FRAS1: variants seen among roughly 807,000 people sequenced by gnomAD.
The protein encoded by FRAS1 is Fraser extracellular matrix complex subunit 1.
In FRAS1, 290 loss-of-function variants were observed where a neutral mutation model predicts 435.2. The ratio of observed to expected loss-of-function variants is 0.67; its 90% confidence interval spans 0.61 to 0.73. FRAS1 has a LOEUF of 0.73. Among genes scored for constraint, FRAS1 ranks in the 30% least tolerant of loss-of-function variants. FRAS1 has a pLI of 0.00. For synonymous variants in FRAS1, 1,800 were observed against 1,851.0 expected (o/e 0.97, Z 0.71); for missense variants, 4,860 against 5,001.5 (o/e 0.97, Z 0.85).
Position 78,438,671 on chromosome 4 carries a change from A to C in FRAS1, c.5319A>C (p.Ser1773=). ...CAGGATCTGAGGTGGAAGAGCTCTC[A>C]GAAGTTTCCAATTTCACAATGGAAG... ...RISGSEVEEL[S]EVSNFTMEDI... The change falls in exon 39 of 74, where the codon TCA becomes TCC. Residue 1773 remains serine, a synonymous_variant. Coordinates refer to ENST00000512123, the MANE Select transcript of FRAS1 (RefSeq NM_025074.7). 1 of 1,612,226 alleles carries C rather than the reference A, an allele frequency of 6.2e-7. No homozygotes were observed.
intron 2 of FRAS1, among the ~76,000 whole-genome samples, chr4:78,161,742 C>CAAAAAAAAAAAAAAAA (rs71214399): frequency 9.2e-4 from 23 of 24,892 alleles, no homozygotes; most frequent in African/African-American, 2.0e-3. Context: ...AACTCTGTCT[C>CAAAAAAAAAAAAAAAA]AAAAAAAAAA....
chr4:78,231,099 C>T (rs1473142420), intron 2 of FRAS1, among the ~76,000 whole-genome samples: 10 of 151,950 alleles, frequency 6.6e-5, no homozygotes, highest in African/African-American at 1.2e-4. Context: ...GGATTACAGG[C>T]GCCTGCCACC....
At chr4:78,234,423 C>T (rs1326162257) in intron 2 of FRAS1, among the ~76,000 whole-genome samples, 5 of 152,072 alleles carry the variant, frequency 3.3e-5, no homozygotes, top group African/African-American at 1.2e-4. Context: ...GACGGGGTTT[C>T]GCTGTGTTAG....
At chr4:78,214,173 G>A (rs1017322263) in intron 2 of FRAS1, among the ~76,000 whole-genome samples, 4 of 152,148 alleles carry the variant, frequency 2.6e-5, no homozygotes, top group Non-Finnish European at 4.4e-5. Flanking sequence ...CTTAAATCTT[G>A]CTCCATCTCC....
intron 2 of FRAS1, among the ~76,000 whole-genome samples, chr4:78,216,336 G>A (rs1723768055): frequency 6.6e-6 from 1 of 152,074 alleles, no homozygotes; most frequent in African/African-American, 2.4e-5. Flanking sequence ...TTGTATTTTT[G>A]GTCAAGATGC....
intron 2 of FRAS1, among the ~76,000 whole-genome samples, chr4:78,122,254 G>A (rs1424170170): frequency 1.3e-5 from 2 of 152,012 alleles, no homozygotes; most frequent in Non-Finnish European, 2.9e-5. Context: ...GTAATAGTTT[G>A]CTAAGAATGA....
intron 2 of FRAS1, among the ~76,000 whole-genome samples, chr4:78,172,617 A>G (rs1721604636): frequency 6.6e-6 from 1 of 152,144 alleles, no homozygotes; most frequent in South Asian, 2.1e-4. Flanking sequence ...GGATTGTCAT[A>G]TTTCACTCTG....
chr4:78,365,445 G>A (rs1731224405), intron 22 of FRAS1, among the ~76,000 whole-genome samples: 1 of 152,090 alleles, frequency 6.6e-6, no homozygotes, highest in Non-Finnish European at 1.5e-5. Flanking sequence ...AGATTTATTA[G>A]GCTCTTCACA....
chr4:78,445,067 C>A (rs1163693494), intron 41 of FRAS1, among the ~76,000 whole-genome samples: 1 of 152,166 alleles, frequency 6.6e-6, no homozygotes, highest in Non-Finnish European at 1.5e-5. Context: ...AAAAGATATG[C>A]ATTTAACATT....
chr4:78,228,028 G>A (rs13115668), intron 2 of FRAS1, among the ~76,000 whole-genome samples: 87,172 of 151,908 alleles, frequency 0.57, 25,915 homozygotes, highest in Non-Finnish European at 0.65. Flanking sequence ...CCTACTCTTG[G>A]GAAGGGAGAG....
intron 66 of FRAS1, among the ~76,000 whole-genome samples, chr4:78,516,859 G>A (rs1485806480): frequency 6.6e-6 from 1 of 152,190 alleles, no homozygotes; most frequent in Non-Finnish European, 1.5e-5. Context: ...TTGACATGTA[G>A]GGATTATGGG....
chr4:78,316,957 G>A (rs142949228), intron 16 of FRAS1, among the ~76,000 whole-genome samples: 8 of 152,054 alleles, frequency 5.3e-5, no homozygotes, highest in African/African-American at 1.7e-4. Flanking sequence ...GTGAGGTTTA[G>A]GTCCAGACAG....
At chr4:78,506,690 C>T (rs1365397772) in intron 61 of FRAS1, among the ~76,000 whole-genome samples, 4 of 152,148 alleles carry the variant, frequency 2.6e-5, no homozygotes, top group Non-Finnish European at 5.9e-5. Flanking sequence ...GGAAATCCCC[C>T]GACCCCTTGC....
At chr4:78,169,384 T>C (rs1412522712) in intron 2 of FRAS1, among the ~76,000 whole-genome samples, 3 of 152,102 alleles carry the variant, frequency 2.0e-5, no homozygotes, top group Non-Finnish European at 4.4e-5. Context: ...GTTAGTGTGC[T>C]GTAATGGAGT....
chr4:78,283,993 A>G (rs946841986), intron 12 of FRAS1, among the ~76,000 whole-genome samples: 2 of 152,200 alleles, frequency 1.3e-5, no homozygotes. Flanking sequence ...CTATTTTTCA[A>G]CATTGTGGGT....
chr4:78,211,466 T>C (rs1560582796), intron 2 of FRAS1, among the ~76,000 whole-genome samples: 2 of 152,194 alleles, frequency 1.3e-5, no homozygotes. Flanking sequence ...TGAACTTATG[T>C]GCTCATTGGG....
At chr4:78,278,818 C>G (rs180994453) in intron 10 of FRAS1, 74 bp downstream of exon 10, 1 of 898,852 alleles carries the variant, frequency 1.1e-6, no homozygotes, top group African/African-American at 1.7e-5. Context: ...ACATTACCTT[C>G]TTGTTTCTTT....
At chr4:78,297,036 CCACT>C (rs1229845836) in intron 14 of FRAS1, among the ~76,000 whole-genome samples, 2 of 152,066 alleles carry the variant, frequency 1.3e-5, no homozygotes, top group Admixed American at 6.6e-5. Flanking sequence ...GAAAATTTAC[CCACT>C]GTCTCCTGAT....
intron 13 of FRAS1, among the ~76,000 whole-genome samples, chr4:78,285,152 A>G (rs1329794564): frequency 6.6e-6 from 1 of 152,088 alleles, no homozygotes; most frequent in Non-Finnish European, 1.5e-5. Flanking sequence ...GTCAAATCCT[A>G]GTTACTATTC....
Sources: gnomAD v4.1 joint callset for allele counts (sites outside exome capture counted in the v4.1 genomes callset) on GRCh38, gnomAD v4.1.1 for gene constraint, MANE v1.5 for transcripts, NCBI Gene and HGNC (gene_info 2026-07-23, HGNC 2026-07-21) for gene names.